The following CRTC3 variants were observed in gnomAD, a reference collection of about 807,000 sequenced individuals.
CRTC3 encodes the protein CREB regulated transcription coactivator 3.
CRTC3 carries 26 observed loss-of-function variants against 74.5 expected under a neutral mutation model. That is an observed-to-expected ratio of 0.35 (90% CI 0.26 to 0.48). The LOEUF (loss-of-function observed/expected upper bound fraction) is 0.48, where lower values mean the gene tolerates loss of function less well. Ranked by LOEUF, CRTC3 falls within the 20% of genes least tolerant of loss-of-function variation. CRTC3 has a pLI of 0.99. For synonymous variants in CRTC3, 377 were observed against 325.8 expected, an observed-to-expected ratio of 1.16 and a Z score of -1.69; for missense variants, 760 against 787.3, an observed-to-expected ratio of 0.97 and a Z score of 0.41.
At chr15:90,572,876 A>G (rs1444991467) in intron 2 of CRTC3, among the ~76,000 whole-genome samples, 1 of 152,194 alleles carries the variant, frequency 6.6e-6, no homozygotes, top group African/African-American at 2.4e-5. Context: ...ATGCCCCGCC[A>G]ATATATCCAT....
intron 11 of CRTC3, chr15:90,634,826 A>C: frequency 6.6e-7 from 1 of 1,521,680 alleles, no homozygotes. Flanking sequence ...TTTTGCTTCC[A>C]GAAAAATCTC....
rs968453570 is a variant in CRTC3, at chr15:90,644,432, G to A, written c.*2292G>A. On this transcript the variant is annotated 3_prime_UTR_variant, in exon 15 of 15. Transcript: ENST00000268184. ...CTTACCCATGGGTATCGTCATATCC[G>A]GGTCCCAGTTCAGTTTGTCTGCACA... 3.5e-5 allele frequency: 8 copies of A among 231,178 alleles called. No homozygotes were observed. The highest frequency in any genetic ancestry group is 2.4e-4 in the East Asian group (4 of 16,386). The allele number at this position is 231,178 out of a possible 1,614,324, so 14.3% of individuals were successfully genotyped here.
At position 90,530,140 on chromosome 15, in the gene CRTC3, G is replaced by A. The variant is rs760524428; in HGVS notation, c.69G>A (p.Thr23=). ...TCAGTGAGAAGATCGCGCTGCACAC[G>A]CAGAGACAGGCCGAGGAGACGCGGG... ...RKFSEKIALH[T]QRQAEETRAF... Residue 23 remains threonine, a synonymous_variant, in exon 1 of 15, where the codon ACG becomes ACA. Coordinates refer to ENST00000268184, the MANE Select transcript of CRTC3 (RefSeq NM_022769.5). The surrounding 1 kb of genome is among the most constrained non-coding windows in gnomAD (Gnocchi z 6.2). 4 of 1,452,276 alleles carry A rather than the reference G, an allele frequency of 2.8e-6. No individual in the cohort carries two copies. Among genetic ancestry groups the A allele is most frequent in the African/African-American group, 1.5e-5 (1 of 67,228 alleles). 90.0% of individuals were successfully genotyped at this position (1,452,276 alleles called of 1,614,324 possible). A position where few individuals can be genotyped will look rare whatever the true frequency, so the allele number is the denominator to read the frequency against.
chr15:90,644,952 T>A lies in CRTC3; in HGVS notation c.*2812T>A, dbSNP rs1969573075. ...TTTCTTTCTGTATGGTTGTGGGTTTTAGGACATAGGGGGTTAGGAGAAGGG... is the reference window on the plus strand; with the variant it reads ...TTTCTTTCTGTATGGTTGTGGGTTTAAGGACATAGGGGGTTAGGAGAAGGG... On this transcript the variant is annotated 3_prime_UTR_variant, in exon 15 of 15. Coordinates refer to ENST00000268184, the MANE Select transcript of CRTC3 (RefSeq NM_022769.5). The A allele has an allele frequency of 4.3e-6, 1 of 232,562 alleles. No individual in the cohort carries two copies. Among genetic ancestry groups the A allele is most frequent in the South Asian group, 1.8e-4 (1 of 5,522 alleles). 14.4% of individuals were successfully genotyped at this position (232,562 alleles called of 1,614,324 possible).
At chr15:90,603,780 A>G (rs1029717639) in intron 4 of CRTC3, among the ~76,000 whole-genome samples, 1 of 152,158 alleles carries the variant, frequency 6.6e-6, no homozygotes, top group Non-Finnish European at 1.5e-5. Flanking sequence ...ACTGTGTATA[A>G]TGTAGTCTGG....
intron 8 of CRTC3, among the ~76,000 whole-genome samples, chr15:90,619,199 G>A (rs1325069860): frequency 6.6e-6 from 1 of 152,212 alleles, no homozygotes; most frequent in African/African-American, 2.4e-5. Context: ...GCTCATGCCT[G>A]TAATCCCAGC....
At chr15:90,625,400 C>A (rs1968798285) in intron 9 of CRTC3, among the ~76,000 whole-genome samples, 1 of 152,232 alleles carries the variant, frequency 6.6e-6, no homozygotes, top group East Asian at 1.9e-4. Flanking sequence ...TAGCTAGTTA[C>A]TCAGAGATAC....
chr15:90,634,651 G>C, intron 11 of CRTC3: 1 of 555,768 alleles, frequency 1.8e-6, no homozygotes, highest in Non-Finnish European at 3.2e-6. Flanking sequence ...TCATGTTTAA[G>C]AACAGGACAC....
intron 2 of CRTC3, among the ~76,000 whole-genome samples, chr15:90,581,044 A>T (rs937988838): frequency 6.6e-6 from 1 of 152,252 alleles, no homozygotes; most frequent in Non-Finnish European, 1.5e-5. Flanking sequence ...AAGGGAGAAC[A>T]TATCAGAAGC....
At chr15:90,568,573 A>G (rs1184809926) in intron 2 of CRTC3, among the ~76,000 whole-genome samples, 1 of 150,992 alleles carries the variant, frequency 6.6e-6, no homozygotes, top group African/African-American at 2.5e-5. Flanking sequence ...CTGGTCTTGA[A>G]CTCCTGGCCT....
rs574163789 is a variant in CRTC3 at position 90,549,161 on chromosome 15, C to T, written c.231+9024C>T. 3.3e-5 allele frequency among the ~76,000 whole-genome samples: 5 copies of T among 152,056 alleles called. No individual in the cohort carries two copies. In the South Asian group the frequency reaches 1.0e-3, roughly 32 times the overall value. ...ATATGTATGTATAGTTTTGTATTTTCCTTCTATGTGTTCAATGGTTTTCAG... is the reference window on the plus strand; with the variant it reads ...ATATGTATGTATAGTTTTGTATTTTTCTTCTATGTGTTCAATGGTTTTCAG... On this transcript the variant is annotated intron_variant, in intron 2 of 14. Coordinates refer to ENST00000268184, the MANE Select transcript of CRTC3 (RefSeq NM_022769.5).
At chr15:90,627,191 C>G (rs1968867852) in intron 10 of CRTC3, among the ~76,000 whole-genome samples, 1 of 152,224 alleles carries the variant, frequency 6.6e-6, no homozygotes, top group South Asian at 2.1e-4. Flanking sequence ...TGGTGCAACA[C>G]AATCTTAGGT....
intron 5 of CRTC3, among the ~76,000 whole-genome samples, chr15:90,605,600 T>C (rs1457883169): frequency 3.8e-5 from 1 of 26,244 alleles, no homozygotes; most frequent in Middle Eastern, 0.028. Context: ...CTTGAGTCTC[T>C]TTGAATCTGT....
intron 2 of CRTC3, among the ~76,000 whole-genome samples, chr15:90,555,008 A>G (rs910717603): frequency 2.0e-5 from 3 of 152,148 alleles, no homozygotes; most frequent in African/African-American, 4.8e-5. Context: ...CCCTTCTACA[A>G]TTGGCCATAC....
chr15:90,582,806 C>A (rs1038221605), intron 2 of CRTC3, among the ~76,000 whole-genome samples: 4 of 152,104 alleles, frequency 2.6e-5, no homozygotes, highest in Non-Finnish European at 5.9e-5. Context: ...GTGTGGCTGA[C>A]GCTGTGCAAA....
intron 3 of CRTC3, chr15:90,599,331 C>G (rs1456354046): frequency 6.6e-6 from 1 of 152,212 alleles, no homozygotes; most frequent in Non-Finnish European, 1.5e-5. Context: ...TGCTGCCCTT[C>G]CGCTGGCACG....
chr15:90,641,951 G>A lies in CRTC3; in HGVS notation c.1671G>A (p.Leu557=). ...TTTCAGAAGACTCCAGCACCAGCCT[G>A]TTCAAAGACCTCAACAGTGCGCTGG... The part of the protein sequence containing the change: ...TILPEDSSTS[L]FKDLNSALAG... Residue 557 remains leucine, a synonymous_variant, in exon 15 of 15, where the codon CTG becomes CTA. Transcript: ENST00000268184. 1.2e-6 allele frequency: 2 copies of A among 1,613,596 alleles called. No individual in the cohort carries two copies. Among genetic ancestry groups the A allele is most frequent in the South Asian group, 1.1e-5 (1 of 91,062 alleles).
chr15:90,545,687 C>G (rs1267435804), intron 2 of CRTC3, among the ~76,000 whole-genome samples: 2 of 152,182 alleles, frequency 1.3e-5, no homozygotes, highest in Non-Finnish European at 2.9e-5. Flanking sequence ...AGCAATTCTC[C>G]TGCCTCAGCC....
rs771878202 is a variant in CRTC3 at position 90,644,722 on chromosome 15, G to A, written c.*2582G>A. 3.2e-4 allele frequency: 74 copies of A among 232,392 alleles called. No homozygotes were observed. The highest frequency in any genetic ancestry group is 2.7e-3 in the Admixed American group (48 of 17,768). 14.4% of individuals were successfully genotyped at this position (232,392 alleles called of 1,614,324 possible). A position where few individuals can be genotyped will look rare whatever the true frequency, so the allele number is the denominator to read the frequency against. ...TGGAGGACTCACCACGGGCAGGGTC[G>A]CCCTGGCCCACAGCACGTGAGCCTG... On this transcript the variant is annotated 3_prime_UTR_variant, in exon 15 of 15. Transcript: ENST00000268184.
Sources: gnomAD v4.1 joint callset for allele counts (sites outside exome capture counted in the v4.1 genomes callset) on GRCh38, gnomAD v4.1.1 for gene constraint, Gnocchi (gnomAD v3.1) non-coding constraint, MANE v1.5 for transcripts, NCBI Gene and HGNC (gene_info 2026-07-23, HGNC 2026-07-21) for gene names.